Variants in MYO5B observed in about 807,000 individuals in gnomAD.
The protein encoded by MYO5B is unconventional myosin-Vb.
Under a neutral mutation model 229.3 loss-of-function variants are expected in MYO5B, and 143 were observed. That is an observed-to-expected ratio of 0.62 (90% confidence interval 0.54 to 0.72). MYO5B has a LOEUF of 0.72. Ranked by LOEUF, MYO5B falls within the 30% of genes least tolerant of loss-of-function variation. The pLI, the probability that MYO5B is intolerant of heterozygous loss-of-function variation, is 0.00. For synonymous variants in MYO5B, 918 were observed against 885.2 expected, an observed-to-expected ratio of 1.04 and a Z score of -0.66; for missense variants, 2,321 against 2,331.0, an observed-to-expected ratio of 1.00 and a Z score of 0.09.
At chr18:49,834,811 T>C (rs930258536) in intron 39 of MYO5B, among the ~76,000 whole-genome samples, 9 of 152,100 alleles carry the variant, frequency 5.9e-5, no homozygotes, top group African/African-American at 2.2e-4. Context: ...GCTAATTTTT[T>C]GTATTTTTAG....
chr18:49,840,893 A>C (rs930097747), intron 35 of MYO5B, among the ~76,000 whole-genome samples: 6 of 152,202 alleles, frequency 3.9e-5, no homozygotes, highest in African/African-American at 1.4e-4. Flanking sequence ...CAGTTTGCAC[A>C]CACGTAGTTC....
chr18:50,194,954 C>T lies in MYO5B; in HGVS notation c.-161G>A. The stretch of plus-strand genomic sequence containing the variant: ...CGCCGGCTTCCCGCAGGCGCCGCGG[C>T]CGGCTCGCTCCCGGCGGCGCGACCT... On this transcript the variant is annotated 5_prime_UTR_variant, in exon 1 of 40. Transcript: ENST00000285039. 1 of 1,062,300 alleles carries T rather than the reference C, an allele frequency of 9.4e-7. No individual in the cohort carries two copies. Among genetic ancestry groups the T allele is most frequent in the Non-Finnish European group, 1.2e-6 (1 of 841,838 alleles). The allele number at this position is 1,062,300 out of a possible 1,614,324, so 65.8% of individuals were successfully genotyped here.
intron 32 of MYO5B, 22 bp downstream of exon 32, chr18:49,849,545 A>C: frequency 6.4e-7 from 1 of 1,555,630 alleles, no homozygotes; most frequent in East Asian, 2.2e-5. Flanking sequence ...TTCACAAAAC[A>C]CACTCACTCA....
chr18:50,171,278 A>T (rs2032916573), intron 1 of MYO5B, among the ~76,000 whole-genome samples: 1 of 128,186 alleles, frequency 7.8e-6, no homozygotes, highest in East Asian at 2.3e-4. Context: ...CAACGACAGC[A>T]GCAGAGGCAT....
chr18:50,033,378 CT>C (rs1455258754), intron 4 of MYO5B, among the ~76,000 whole-genome samples: 57 of 152,188 alleles, frequency 3.7e-4, no homozygotes, highest in Admixed American at 3.7e-3. Context: ...GACATTAGGT[CT>C]CCAAGCGCAA....
intron 4 of MYO5B, among the ~76,000 whole-genome samples, chr18:50,033,843 A>T (rs1285811004): frequency 6.6e-6 from 1 of 151,990 alleles, no homozygotes; most frequent in Non-Finnish European, 1.5e-5. Flanking sequence ...CACAGTGAAC[A>T]AATCCTCTTC....
At chr18:49,999,119 T>TCA in intron 5 of MYO5B, among the ~76,000 whole-genome samples, 1 of 152,352 alleles carries the variant, frequency 6.6e-6, no homozygotes, top group Non-Finnish European at 1.5e-5. Flanking sequence ...ACTACTTTGT[T>TCA]CAGTCTCTGG....
At chr18:50,008,315 G>C (rs1337188241) in intron 4 of MYO5B, among the ~76,000 whole-genome samples, 1 of 152,126 alleles carries the variant, frequency 6.6e-6, no homozygotes, top group Non-Finnish European at 1.5e-5. Context: ...CTCCCCACTA[G>C]AACCTAAATC....
At chr18:49,884,624 A>T (rs951857020) in intron 22 of MYO5B, among the ~76,000 whole-genome samples, 1 of 152,132 alleles carries the variant, frequency 6.6e-6, no homozygotes, top group African/African-American at 2.4e-5. Flanking sequence ...TAATTTGAGC[A>T]GTGGGGAGCG....
chr18:49,904,605 A>T, intron 20 of MYO5B, 67 bp downstream of exon 20: 1 of 1,597,036 alleles, frequency 6.3e-7, no homozygotes, highest in Non-Finnish European at 8.6e-7. Context: ...TCACGTTGGC[A>T]GTAATTCATC....
In MYO5B at chr18:49,826,951, GT is replaced by G. The variant is rs112786334; in HGVS notation, c.5395-329del. Among the ~76,000 whole-genome samples the G allele has an allele frequency of 8.2e-3, 1,208 of 147,340 alleles. 22 individuals are homozygous for G. The highest frequency in any genetic ancestry group is 0.028 in the African/African-American group (1,125 of 40,426). ...TATAGTGAAGTGGCCAAGGGCATGG[GT>G]TTTTTTTTTTAGGTAGACAGCTGAG... On this transcript the variant is annotated intron_variant, in intron 39 of 39. Transcript: ENST00000285039.
intron 39 of MYO5B, among the ~76,000 whole-genome samples, chr18:49,828,430 A>C (rs1349497503): frequency 6.6e-6 from 1 of 152,242 alleles, no homozygotes; most frequent in Non-Finnish European, 1.5e-5. Context: ...GAACCCCAAA[A>C]TATTTGAAGG....
chr18:50,017,971 T>C (rs1015334751), intron 4 of MYO5B, among the ~76,000 whole-genome samples: 15 of 152,224 alleles, frequency 9.9e-5, no homozygotes, highest in African/African-American at 3.4e-4. Flanking sequence ...TTAAATATGA[T>C]TATTTGGGTA....
intron 33 of MYO5B, among the ~76,000 whole-genome samples, chr18:49,846,025 G>C (rs2024121843): frequency 6.6e-6 from 1 of 152,180 alleles, no homozygotes; most frequent in Non-Finnish European, 1.5e-5. Flanking sequence ...GAGCCCAGCT[G>C]GGGAAGGAAT....
chr18:49,845,363 G>A (rs1174474611), intron 33 of MYO5B, among the ~76,000 whole-genome samples: 2 of 152,198 alleles, frequency 1.3e-5, no homozygotes. Flanking sequence ...GAGCAAATCT[G>A]TTTAAGGCAG....
intron 6 of MYO5B, among the ~76,000 whole-genome samples, chr18:49,991,971 C>T (rs774970923): frequency 6.6e-6 from 1 of 152,196 alleles, no homozygotes; most frequent in Non-Finnish European, 1.5e-5. Flanking sequence ...CCTGATAAGA[C>T]TTTAAAATCC....
chr18:50,185,344 C>T (rs745501472), intron 1 of MYO5B, among the ~76,000 whole-genome samples: 3 of 150,056 alleles, frequency 2.0e-5, no homozygotes, highest in East Asian at 1.9e-4. Context: ...CTTAGAGTGG[C>T]GAAGAAACAG....
intron 4 of MYO5B, among the ~76,000 whole-genome samples, chr18:50,006,740 C>T (rs949698263): frequency 5.9e-5 from 9 of 152,082 alleles, no homozygotes; most frequent in East Asian, 1.9e-4. Flanking sequence ...GTGGTGCCAC[C>T]GGGAGAGAGA....
intron 14 of MYO5B, among the ~76,000 whole-genome samples, chr18:49,940,492 A>G (rs574729812): frequency 6.6e-6 from 1 of 152,188 alleles, no homozygotes; most frequent in Non-Finnish European, 1.5e-5. Context: ...TATAAAACAC[A>G]TGATGACCAT....
Sources: allele counts gnomAD v4.1 joint callset (sites outside exome capture counted in the v4.1 genomes callset), GRCh38; gene constraint gnomAD v4.1.1; transcripts MANE v1.5; gene names NCBI Gene and HGNC (gene_info 2026-07-23, HGNC 2026-07-21).